The following DDX46 variants were observed in gnomAD, a reference collection of about 807,000 sequenced individuals.
DDX46 encodes the protein DEAD-box helicase 46.
DDX46 carries 30 observed loss-of-function variants against 134.9 expected under a neutral mutation model. That is an observed-to-expected ratio of 0.22 (90% CI 0.17 to 0.30). DDX46 has a LOEUF of 0.30. Among genes scored for constraint, DDX46 ranks in the 10% least tolerant of loss-of-function variants. DDX46 has a pLI of 1.00. For missense variants in DDX46, 622 were observed against 1,248.7 expected, an observed-to-expected ratio of 0.50 and a Z score of 7.56; for synonymous variants, 415 against 404.1, an observed-to-expected ratio of 1.03 and a Z score of -0.32.
At chr5:134,809,494 A>G (rs1372852037) in intron 16 of DDX46, among the ~76,000 whole-genome samples, 1 of 152,006 alleles carries the variant, frequency 6.6e-6, no homozygotes, top group East Asian at 1.9e-4. Flanking sequence ...CAGTGTCCCA[A>G]GTAGCTGGGA....
chr5:134,789,881 T>G (rs1754453900), intron 12 of DDX46, among the ~76,000 whole-genome samples: 1 of 152,226 alleles, frequency 6.6e-6, no homozygotes, highest in South Asian at 2.1e-4. Context: ...AAAATGTATT[T>G]ATGTAATGTG....
At chr5:134,800,629 T>G (rs1243325202) in intron 15 of DDX46, among the ~76,000 whole-genome samples, 2 of 152,008 alleles carry the variant, frequency 1.3e-5, no homozygotes, top group African/African-American at 4.8e-5. Flanking sequence ...AAAGGTACCT[T>G]TCCCTATCCA....
chr5:134,769,327 G>GTTTTTTT (rs1026334806), intron 3 of DDX46, among the ~76,000 whole-genome samples: 3 of 100,480 alleles, frequency 3.0e-5, no homozygotes, highest in African/African-American at 4.1e-5. Context: ...TATTTTCAAG[G>GTTTTTTT]TTTTTTTTTT....
At chr5:134,782,118 A>G in intron 8 of DDX46, 32 bp downstream of exon 8, 2 of 1,545,362 alleles carry the variant, frequency 1.3e-6, no homozygotes, top group Non-Finnish European at 1.7e-6. Flanking sequence ...TACTGGTTAT[A>G]AGGGAACAGA....
intron 13 of DDX46, among the ~76,000 whole-genome samples, chr5:134,792,994 A>G (rs1441997377): frequency 6.6e-6 from 1 of 152,032 alleles, no homozygotes; most frequent in African/African-American, 2.4e-5. Context: ...CGTCTCTACA[A>G]AAAAATATAA....
Position 134,784,487 on chromosome 5 carries a change from A to G in DDX46, c.1288A>G (p.Met430Val), listed in dbSNP as rs1369977559. The change falls in exon 10 of 23, where the codon ATG becomes GTG. Residue 430 changes from methionine (M) to valine (V), a missense_variant. By Grantham distance (21) the Met-to-Val change is conservative (BLOSUM62 1). This residue lies in a region of DDX46 where 209 missense variants were observed against 508.4 expected (regional missense o/e 0.41). Transcript: ENST00000452510. ...AAAGACCATTGCTTTTCTGTTGCCC[A>G]TGTTTAGACACATCATGGATCAGAG... ...SGKTIAFLLPMFRHIMDQRSL... is the reference protein window; with the variant it reads ...SGKTIAFLLPVFRHIMDQRSL... The G allele has an allele frequency of 3.7e-6, 6 of 1,614,116 alleles. No homozygotes were observed. The highest frequency in any genetic ancestry group is 4.2e-6 in the Non-Finnish European group (5 of 1,179,994).
chr5:134,770,057 T>C lies in DDX46; in HGVS notation c.351-846T>C, dbSNP rs114870173. Among the ~76,000 whole-genome samples, 481 of 152,256 alleles carry C rather than the reference T, an allele frequency of 3.2e-3. 4 individuals carry two copies. The highest frequency in any genetic ancestry group is 0.011 in the African/African-American group (449 of 41,542). On this transcript the variant is annotated intron_variant, in intron 3 of 22. Transcript: ENST00000452510. ...AATACAAGTCTAATAAGTGTACTTA[T>C]GTATTTTTTGTTTTAATTTAATAGA...
At chr5:134,759,657 A>C (rs948305525) in intron 1 of DDX46, among the ~76,000 whole-genome samples, 1 of 152,220 alleles carries the variant, frequency 6.6e-6, no homozygotes, top group African/African-American at 2.4e-5. Flanking sequence ...TGTATTTAGC[A>C]ATGACTGAAA....
chr5:134,805,342 A>T (rs1268164904), intron 15 of DDX46, among the ~76,000 whole-genome samples: 1 of 151,296 alleles, frequency 6.6e-6, no homozygotes, highest in Non-Finnish European at 1.5e-5. Flanking sequence ...TAAATTTTGT[A>T]TTTTTAGTAG....
intron 1 of DDX46, among the ~76,000 whole-genome samples, chr5:134,762,248 C>G (rs1316884009): frequency 2.1e-5 from 3 of 139,924 alleles, no homozygotes; most frequent in Non-Finnish European, 4.6e-5. Flanking sequence ...CCATCTCTAC[C>G]CAAAAAAAAA....
intron 8 of DDX46, 60 bp downstream of exon 8, chr5:134,782,146 T>C (rs916079523): frequency 1.4e-6 from 2 of 1,449,408 alleles, no homozygotes; most frequent in Non-Finnish European, 1.8e-6. Flanking sequence ...ACATTTCACA[T>C]TGCTCAAGAG....
Sources: gnomAD v4.1 joint callset for allele counts (sites outside exome capture counted in the v4.1 genomes callset) on GRCh38, gnomAD v4.1.1 for gene constraint, gnomAD v4.1.1 regional missense constraint, MANE v1.5 for transcripts, NCBI Gene and HGNC (gene_info 2026-07-23, HGNC 2026-07-21) for gene names.